CCKBR: variants seen among roughly 807,000 people sequenced by gnomAD.
CCKBR encodes the protein gastrin/cholecystokinin type B receptor.
Under a neutral mutation model 34.6 loss-of-function variants are expected in CCKBR, and 33 were observed. That is an observed-to-expected ratio of 0.95 (90% confidence interval 0.72 to 1.27). The LOEUF (loss-of-function observed/expected upper bound fraction) is 1.27. Among genes scored for constraint, CCKBR ranks in the 50% most tolerant of loss-of-function variants. The pLI is 0.00. For missense variants in CCKBR, 652 were observed against 617.4 expected (o/e 1.06, Z -0.59); for synonymous variants, 269 against 267.5 (o/e 1.01, Z -0.06).
chr11:6,268,674 T>G (rs1459586553), intron 1 of CCKBR, among the ~76,000 whole-genome samples: 1 of 152,196 alleles, frequency 6.6e-6, no homozygotes, highest in East Asian at 1.9e-4. Context: ...TTGTCCCCAG[T>G]GCCTAGCACA....
At chr11:6,269,519 G>A in intron 1 of CCKBR, 150 bp from the exon 2 acceptor site, 4 of 900,624 alleles carry the variant, frequency 4.4e-6, no homozygotes, top group Non-Finnish European at 6.8e-6. Context: ...GAAGGCTAAA[G>A]GATTCAAGTT....
Position 6,271,380 on chromosome 11 carries a change from A to AC in CCKBR, c.1183dup (p.Arg395ProfsTer29), listed in dbSNP as rs1848310849. 6.2e-7 allele frequency: 1 copy of AC among 1,613,940 alleles called. No individual in the cohort carries two copies. The highest frequency in any genetic ancestry group is 2.2e-5 in the East Asian group (1 of 44,856). ...AACCCCCTGGTCTACTGCTTCATGC[A>AC]CCGTCGCTTTCGCCAGGCCTGCCTG... On this transcript the variant is annotated frameshift_variant, in exon 5 of 5. Coordinates refer to ENST00000334619, the MANE Select transcript of CCKBR (RefSeq NM_176875.4). LOFTEE classifies it high-confidence loss of function.
chr11:6,270,895 G>T, intron 4 of CCKBR, 92 bp downstream of exon 4: 1 of 1,611,228 alleles, frequency 6.2e-7, no homozygotes, highest in Non-Finnish European at 8.5e-7. Context: ...AAATGAAGGT[G>T]AGGGTGAGAA....
intron 1 of CCKBR, among the ~76,000 whole-genome samples, chr11:6,266,557 T>C (rs1473911906): frequency 3.3e-5 from 5 of 152,120 alleles, no homozygotes; most frequent in African/African-American, 1.2e-4. Flanking sequence ...AACAGAGTAC[T>C]GCAGGAACAA....
At chr11:6,269,625 T>C in intron 1 of CCKBR, 44 bp from the exon 2 acceptor site, 2 of 1,600,004 alleles carry the variant, frequency 1.3e-6, no homozygotes, top group Non-Finnish European at 1.7e-6. Flanking sequence ...TTTGACTGAA[T>C]GAAGGCTGAC....
chr11:6,262,514 A>C (rs1365355425), intron 1 of CCKBR, among the ~76,000 whole-genome samples: 1 of 152,176 alleles, frequency 6.6e-6, no homozygotes, highest in Non-Finnish European at 1.5e-5. Flanking sequence ...TAAATAAAAA[A>C]CAGGACAGTC....
intron 2 of CCKBR, 82 bp downstream of exon 2, chr11:6,270,002 G>A (rs1486695333): frequency 6.3e-7 from 1 of 1,592,422 alleles, no homozygotes. Context: ...TCCCCGGTTG[G>A]CAGGGAGGGG....
At chr11:6,265,301 G>A (rs532916423) in intron 1 of CCKBR, among the ~76,000 whole-genome samples, 1 of 152,262 alleles carries the variant, frequency 6.6e-6, no homozygotes, top group South Asian at 2.1e-4. Context: ...TAAATTTCAG[G>A]AGTCCCCAAG....
intron 1 of CCKBR, among the ~76,000 whole-genome samples, chr11:6,260,573 C>T (rs1848114827): frequency 6.6e-6 from 1 of 152,112 alleles, no homozygotes; most frequent in Non-Finnish European, 1.5e-5. Context: ...CATCTGACAC[C>T]CCAGCCCCCA....
At chr11:6,261,463 A>ATATATATACACC in intron 1 of CCKBR, among the ~76,000 whole-genome samples, 1 of 21,768 alleles carries the variant, frequency 4.6e-5, no homozygotes. Flanking sequence ...AAATATATAT[A>ATATATATACACC]CACACACACA....
chr11:6,270,522 C>A, intron 3 of CCKBR, 124 bp from the exon 4 acceptor site: 1 of 1,371,932 alleles, frequency 7.3e-7, no homozygotes, highest in South Asian at 1.4e-5. Context: ...CCAGCGGCAC[C>A]CCCAAATCCT....
chr11:6,266,673 G>C (rs919833337), intron 1 of CCKBR, among the ~76,000 whole-genome samples: 3 of 152,076 alleles, frequency 2.0e-5, no homozygotes, highest in Non-Finnish European at 4.4e-5. Flanking sequence ...TGCTGAGTTC[G>C]GTTTGGAAGT....
chr11:6,263,769 G>T (rs568059689), intron 1 of CCKBR, among the ~76,000 whole-genome samples: 1 of 152,230 alleles, frequency 6.6e-6, no homozygotes, highest in Admixed American at 6.5e-5. Context: ...ACCATGTCTG[G>T]CCCAGATTAA....
At chr11:6,270,599 A>G in intron 3 of CCKBR, 47 bp from the exon 4 acceptor site, 5 of 1,544,756 alleles carry the variant, frequency 3.2e-6, no homozygotes, top group Non-Finnish European at 3.5e-6. Context: ...TCCATCTGTG[A>G]TTACAGCTGG....
Position 6,259,846 on chromosome 11 carries a change from CCGG to C in CCKBR, c.-82_-80del. 6 of 1,199,768 alleles carry C rather than the reference CCGG, an allele frequency of 5.0e-6. No homozygotes were observed. Among genetic ancestry groups the C allele is most frequent in the Non-Finnish European group, 6.6e-6 (6 of 910,710 alleles). The allele number at this position is 1,199,768 out of a possible 1,614,324, so 74.3% of individuals were successfully genotyped here. On this transcript the variant is annotated 5_prime_UTR_variant, in exon 1 of 5. Transcript: ENST00000334619. Reference sequence around the variant, plus strand: ...GAGAGGAGGGCGGCGGGAGCCTGAGCCGGAATCGCAGCGTGAGCAGGTGGAGCC... The same window carrying C: ...GAGAGGAGGGCGGCGGGAGCCTGAGCAATCGCAGCGTGAGCAGGTGGAGCC...
chr11:6,271,681 A>G lies in CCKBR; in HGVS notation c.*138A>G. ...CTAACCCCAACGCACAGGAAAAGGT[A>G]GCTTACCTGACACAAGAGGAATAAG... On this transcript the variant is annotated 3_prime_UTR_variant, in exon 5 of 5. Transcript: ENST00000334619. 1.2e-6 allele frequency: 1 copy of G among 822,638 alleles called. No individual in the cohort carries two copies. The highest frequency in any genetic ancestry group is 1.8e-6 in the Non-Finnish European group (1 of 541,260). The allele number at this position is 822,638 out of a possible 1,614,324, so 51.0% of individuals were successfully genotyped here.
At chr11:6,261,467 A>ACACC (rs1848132441) in intron 1 of CCKBR, among the ~76,000 whole-genome samples, 1 of 119,128 alleles carries the variant, frequency 8.4e-6, no homozygotes, top group Non-Finnish European at 1.8e-5. Context: ...ATATATACAC[A>ACACC]CACACACACA....
Position 6,270,766 on chromosome 11 carries a change from C to G in CCKBR, c.774C>G (p.Asp258Glu), listed in dbSNP as rs1848290450. The change falls in exon 4 of 5, where the codon GAC (aspartate) becomes GAG (glutamate). Residue 258 changes from aspartate to glutamate, a missense_variant. Physicochemically the swap from Asp to Glu is conservative, Grantham distance 45 (BLOSUM62 2). Coordinates refer to ENST00000334619, the MANE Select transcript of CCKBR (RefSeq NM_176875.4). Reference sequence around the variant, plus strand: ...GCTTTGACGGCGACAGTGACAGCGACAGCCAAAGCAGGGTCCGAAACCAAG... The same window carrying G: ...GCTTTGACGGCGACAGTGACAGCGAGAGCCAAAGCAGGGTCCGAAACCAAG... ...GLRFDGDSDS[D>E]SQSRVRNQGG... The G allele has an allele frequency of 6.2e-7, 1 of 1,614,080 alleles. No individual in the cohort carries two copies. The highest frequency in any genetic ancestry group is 8.5e-7 in the Non-Finnish European group (1 of 1,180,058).
In CCKBR at chr11:6,271,573, G is replaced by A; in HGVS notation, c.*30G>A. On this transcript the variant is annotated 3_prime_UTR_variant, in exon 5 of 5. Coordinates refer to ENST00000334619, the MANE Select transcript of CCKBR (RefSeq NM_176875.4). Reference sequence around the variant, plus strand: ...TAGAGGGGCCGTGGGGGTTGAGGCAGGGCAAATGACATGCACTGACCCTTC... The same window carrying A: ...TAGAGGGGCCGTGGGGGTTGAGGCAAGGCAAATGACATGCACTGACCCTTC... 1.3e-6 allele frequency: 2 copies of A among 1,543,602 alleles called. No individual in the cohort carries two copies. The highest frequency in any genetic ancestry group is 2.4e-5 in the South Asian group (2 of 82,310).
Sources: gnomAD v4.1 joint callset for allele counts (sites outside exome capture counted in the v4.1 genomes callset) on GRCh38, gnomAD v4.1.1 for gene constraint, MANE v1.5 for transcripts, NCBI Gene and HGNC (gene_info 2026-07-23, HGNC 2026-07-21) for gene names.